Variants in ADGRB3 observed in about 807,000 individuals in gnomAD.
The protein encoded by ADGRB3 is adhesion G protein-coupled receptor B3.
Under a neutral mutation model 193.4 loss-of-function variants are expected in ADGRB3, and 37 were observed. The observed-to-expected ratio is 0.19, with a 90% confidence interval of 0.15 to 0.25. The LOEUF (loss-of-function observed/expected upper bound fraction) is 0.25, where lower values mean the gene tolerates loss of function less well. Among genes scored for constraint, ADGRB3 ranks in the 10% least tolerant of loss-of-function variants. The pLI is 1.00. For synonymous variants in ADGRB3, 690 were observed against 644.2 expected (o/e 1.07, Z -1.08); for missense variants, 1,637 against 1,852.9 (o/e 0.88, Z 2.14).
At chr6:69,372,706 G>A (rs1769731872) in intron 30 of ADGRB3, among the ~76,000 whole-genome samples, 1 of 152,048 alleles carries the variant, frequency 6.6e-6, no homozygotes, top group Admixed American at 6.6e-5. Context: ...AACAATTTAT[G>A]TTAGGAGTTG....
chr6:69,133,489 C>T (rs1216742253), intron 17 of ADGRB3, among the ~76,000 whole-genome samples: 1 of 151,812 alleles, frequency 6.6e-6, no homozygotes, highest in Non-Finnish European at 1.5e-5. Flanking sequence ...GCCTACCAAC[C>T]AAAAAACACC....
At position 69,378,588 on chromosome 6, in the gene ADGRB3, A is replaced by T. The variant is rs139332135; in HGVS notation, c.4276-4243A>T. On this transcript the variant is annotated intron_variant, in intron 30 of 31. Coordinates refer to ENST00000370598, the MANE Select transcript of ADGRB3 (RefSeq NM_001704.3). ...GCTCTTATCTGTGTGGCCCAATGAT[A>T]AGTGTTTTATATCCTTTTTTAAATC... 2.0e-3 allele frequency among the ~76,000 whole-genome samples: 309 copies of T among 152,136 alleles called. 1 individual carries two copies. Among genetic ancestry groups the T allele is most frequent in the African/African-American group, 6.9e-3 (287 of 41,526 alleles).
chr6:69,253,448 AATGGGT>A (rs754777358), intron 20 of ADGRB3, among the ~76,000 whole-genome samples: 31 of 152,042 alleles, frequency 2.0e-4, no homozygotes, highest in Non-Finnish European at 3.7e-4. Context: ...ATCTAATGGC[AATGGGT>A]ATGAATTGGC....
chr6:69,309,251 A>G (rs2127299631), intron 20 of ADGRB3, among the ~76,000 whole-genome samples: 1 of 151,926 alleles, frequency 6.6e-6, no homozygotes, highest in Non-Finnish European at 1.5e-5. Context: ...TAGAAGCTAT[A>G]TTCTGCGAGA....
At chr6:68,807,363 C>G (rs1218694338) in intron 3 of ADGRB3, among the ~76,000 whole-genome samples, 1 of 151,378 alleles carries the variant, frequency 6.6e-6, no homozygotes, top group Non-Finnish European at 1.5e-5. Context: ...CTCAGCCTCC[C>G]GAGTAGCTGG....
intron 28 of ADGRB3, among the ~76,000 whole-genome samples, chr6:69,360,208 C>T (rs1311025651): frequency 2.3e-4 from 35 of 151,788 alleles, no homozygotes; most frequent in Admixed American, 2.3e-3. Flanking sequence ...TTTAATATTC[C>T]CGCAAGGGCA....
rs187035345 is a variant in ADGRB3 at position 69,004,102 on chromosome 6, G to A, written c.1930-9936G>A. Among the ~76,000 whole-genome samples the A allele has an allele frequency of 3.3e-4, 51 of 152,298 alleles. 2 individuals carry two copies. In the East Asian group the frequency reaches 8.5e-3, roughly 25 times the overall value. On this transcript the variant is annotated intron_variant, in intron 11 of 31. Transcript: ENST00000370598. ...TAAAAGTTACAGATGGTTTTATGTT[G>A]TGATTCCATTTATTATCAAATATTC...
chr6:69,153,022 T>C (rs1183956577), intron 17 of ADGRB3, among the ~76,000 whole-genome samples: 1 of 152,138 alleles, frequency 6.6e-6, no homozygotes, highest in Non-Finnish European at 1.5e-5. Context: ...GTGCTAAGCT[T>C]AGAGTCATAA....
At chr6:69,323,073 C>G (rs974194077) in intron 20 of ADGRB3, among the ~76,000 whole-genome samples, 2 of 151,960 alleles carry the variant, frequency 1.3e-5, no homozygotes, top group African/African-American at 4.8e-5. Flanking sequence ...GTTAAAATCT[C>G]TGTACTCAGA....
At position 69,372,454 on chromosome 6, in the gene ADGRB3, GAATTAT is replaced by G. The variant is rs770695135; in HGVS notation, c.4275+14_4275+19del. On this transcript the variant is annotated intron_variant, in intron 30 of 31. Coordinates refer to ENST00000370598, the MANE Select transcript of ADGRB3 (RefSeq NM_001704.3). The stretch of plus-strand genomic sequence containing the variant: ...CCTTGACTTTGAGGTAAGTTTATAT[GAATTAT>G]TTTAGAATTGTAATTACTTGAATTC... 270 of 1,299,954 alleles carry G rather than the reference GAATTAT, an allele frequency of 2.1e-4. 1 individual carries two copies. The highest frequency in any genetic ancestry group is 2.6e-4 in the Non-Finnish European group (243 of 950,384). 80.5% of individuals were successfully genotyped at this position (1,299,954 alleles called of 1,614,324 possible). A position where few individuals can be genotyped will look rare whatever the true frequency, so the allele number is the denominator to read the frequency against.
At chr6:69,204,316 A>G (rs1765491947) in intron 17 of ADGRB3, among the ~76,000 whole-genome samples, 1 of 152,160 alleles carries the variant, frequency 6.6e-6, no homozygotes, top group Non-Finnish European at 1.5e-5. Context: ...AACACTAATA[A>G]AAACGATTAT....
At chr6:69,287,987 T>C (rs1333806065) in intron 20 of ADGRB3, among the ~76,000 whole-genome samples, 29 of 152,190 alleles carry the variant, frequency 1.9e-4, no homozygotes. Flanking sequence ...TCATTTTGTT[T>C]TGTTATGTGG....
chr6:69,144,542 G>C (rs140047514), intron 17 of ADGRB3, among the ~76,000 whole-genome samples: 379 of 152,088 alleles, frequency 2.5e-3, no homozygotes, highest in African/African-American at 8.8e-3. Context: ...CCTATCCATG[G>C]GTCTGTTTTA....
intron 17 of ADGRB3, among the ~76,000 whole-genome samples, chr6:69,167,679 G>A (rs1302457012): frequency 1.3e-5 from 2 of 152,128 alleles, no homozygotes; most frequent in African/African-American, 2.4e-5. Flanking sequence ...GAGCAGAAAG[G>A]CCTTGTGCTA....
intron 3 of ADGRB3, among the ~76,000 whole-genome samples, chr6:68,899,127 T>A (rs1766322300): frequency 6.6e-6 from 1 of 152,156 alleles, no homozygotes; most frequent in Admixed American, 6.6e-5. Flanking sequence ...GTAGGTTATA[T>A]GGGAACTTTT....
At chr6:68,941,526 A>G (rs573331943) in intron 5 of ADGRB3, among the ~76,000 whole-genome samples, 17 of 152,184 alleles carry the variant, frequency 1.1e-4, no homozygotes. Flanking sequence ...CCAATTTAGC[A>G]TCTTCCTTTT....
At chr6:68,964,743 G>A (rs938931847) in intron 8 of ADGRB3, among the ~76,000 whole-genome samples, 1 of 152,120 alleles carries the variant, frequency 6.6e-6, no homozygotes, top group Non-Finnish European at 1.5e-5. Flanking sequence ...TACAGAATTT[G>A]CTTATGAGTA....
At chr6:68,997,488 C>CAAAAAAA (rs748557247) in intron 11 of ADGRB3, among the ~76,000 whole-genome samples, 3 of 52,172 alleles carry the variant, frequency 5.8e-5, no homozygotes, top group African/African-American at 1.8e-4. Flanking sequence ...ACTAAAAATA[C>CAAAAAAA]AAAAAAAAAA....
At chr6:69,236,537 A>G (rs1766271727) in intron 19 of ADGRB3, among the ~76,000 whole-genome samples, 3 of 152,060 alleles carry the variant, frequency 2.0e-5, no homozygotes, top group Admixed American at 1.3e-4. Flanking sequence ...CTCTACCACA[A>G]TTGTTTAAAT....
Sources: gnomAD v4.1 joint callset for allele counts (sites outside exome capture counted in the v4.1 genomes callset) on GRCh38, gnomAD v4.1.1 for gene constraint, MANE v1.5 for transcripts, NCBI Gene and HGNC (gene_info 2026-07-23, HGNC 2026-07-21) for gene names.